The following NOD1 variants were observed in gnomAD, a reference collection of about 807,000 sequenced individuals.
The protein encoded by NOD1 is nucleotide binding oligomerization domain containing 1.
A neutral mutation model predicts 81.2 loss-of-function variants in NOD1; 70 were observed. The observed-to-expected ratio is 0.86, with a 90% CI of 0.71 to 1.05. The LOEUF (loss-of-function observed/expected upper bound fraction) is 1.05. Ranked by LOEUF, NOD1 falls within the 50% of genes least tolerant of loss-of-function variation. The probability of loss-of-function intolerance (pLI) is 0.00; values close to 1 mark genes in which losing one functional copy is unlikely to be tolerated. For missense variants in NOD1, 1,233 were observed against 1,228.0 expected (o/e 1.00, Z -0.06); for synonymous variants, 508 against 526.9 (o/e 0.96, Z 0.49).
At chr7:30,462,739 A>G (rs1425669824) in intron 1 of NOD1, among the ~76,000 whole-genome samples, 3 of 152,090 alleles carry the variant, frequency 2.0e-5, no homozygotes, top group Non-Finnish European at 4.4e-5. Context: ...ACTTGAGGCC[A>G]GGAGTTCGAG....
chr7:30,456,616 C>T, intron 4 of NOD1, 105 bp downstream of exon 4: 1 of 976,326 alleles, frequency 1.0e-6, no homozygotes, highest in African/African-American at 1.6e-5. Flanking sequence ...GCAGCCCTGC[C>T]CGCTGGACTA....
rs919067155 is a variant in NOD1 at position 30,429,322 on chromosome 7, G to A, written c.2789+52C>T. 4.1e-5 allele frequency: 59 copies of A among 1,451,454 alleles called. No individual in the cohort carries two copies. The South Asian group carries it at 6.5e-4, about 16-fold the overall frequency. The allele number at this position is 1,451,454 out of a possible 1,614,324, so 89.9% of individuals were successfully genotyped here. The stretch of plus-strand genomic sequence containing the variant: ...CGTTGTGCCTTGCACAGTCAGTGGT[G>A]GTGAGTAAACAGTCACTGGTGTTAT... On this transcript the variant is annotated intron_variant, in intron 13 of 13. Transcript: ENST00000222823.
chr7:30,446,807 C>G (rs1351454719), intron 8 of NOD1, 160 bp downstream of exon 8: 2 of 613,020 alleles, frequency 3.3e-6, no homozygotes, highest in Non-Finnish European at 5.7e-6. Flanking sequence ...GAATCCAAGC[C>G]TCACAGATCA....
chr7:30,468,590 T>C (rs562849677), intron 1 of NOD1, among the ~76,000 whole-genome samples: 51 of 152,334 alleles, frequency 3.3e-4, no homozygotes, highest in Non-Finnish European at 6.3e-4. Flanking sequence ...AATAGATAAC[T>C]GATATTCATT....
chr7:30,472,676 G>A (rs1788393134), intron 1 of NOD1, among the ~76,000 whole-genome samples: 1 of 152,246 alleles, frequency 6.6e-6, no homozygotes, highest in South Asian at 2.1e-4. Context: ...GAGCCCCAAT[G>A]ATGGGATTAG....
intron 7 of NOD1, 80 bp from the exon 8 acceptor site, chr7:30,447,130 G>T: frequency 6.2e-7 from 1 of 1,607,940 alleles, no homozygotes. Context: ...AGCATATGGT[G>T]TCTACTGATT....
At chr7:30,461,642 C>T (rs760417687) in intron 1 of NOD1, among the ~76,000 whole-genome samples, 1 of 152,262 alleles carries the variant, frequency 6.6e-6, no homozygotes, top group Non-Finnish European at 1.5e-5. Context: ...GACAGTGCCA[C>T]TCCAGGGCAA....
rs1253979352 is a variant in NOD1, at chr7:30,478,407, T to C, written c.-352+199A>G. ...CAGTGGGATAAACGATTCCGCTGAC[T>C]GTGAAGTTCATCCCTCTCAACTTTC... is the stretch of plus-strand genomic sequence containing the variant. On this transcript the variant is annotated intron_variant, in intron 1 of 13. Coordinates refer to ENST00000222823, the MANE Select transcript of NOD1 (RefSeq NM_006092.4). This position sits in a 1 kb window ranked among gnomAD's most constrained non-coding sequence, Gnocchi z 4.1. Among the ~76,000 whole-genome samples the C allele has an allele frequency of 1.3e-5, 2 of 152,194 alleles. No individual in the cohort carries two copies. The highest frequency in any genetic ancestry group is 2.9e-5 in the Non-Finnish European group (2 of 68,034).
chr7:30,472,810 T>C (rs1029444388), intron 1 of NOD1, among the ~76,000 whole-genome samples: 2 of 152,232 alleles, frequency 1.3e-5, no homozygotes, highest in East Asian at 1.9e-4. Context: ...AGATAAATGT[T>C]TGTTGCTTAA....
At chr7:30,469,525 C>T (rs1005666874) in intron 1 of NOD1, among the ~76,000 whole-genome samples, 3 of 152,208 alleles carry the variant, frequency 2.0e-5, no homozygotes, top group Admixed American at 6.5e-5. Context: ...ACACAGCCAA[C>T]GTCAGCATTC....
In NOD1 at chr7:30,446,207, A is replaced by AT. The variant is rs1182168986; in HGVS notation, c.2386dup (p.Ile796AsnfsTer4). 2.5e-5 allele frequency: 41 copies of AT among 1,613,902 alleles called. No individual in the cohort carries two copies. The highest frequency in any genetic ancestry group is 3.3e-5 in the Non-Finnish European group (39 of 1,179,922). On this transcript the variant is annotated frameshift_variant, in exon 9 of 14. Coordinates refer to ENST00000222823, the MANE Select transcript of NOD1 (RefSeq NM_006092.4). LOFTEE classifies it high-confidence loss of function. ...GAGATACTTCCCTCCTTCACTTGTT[A>AT]TTTTGTTTTTTCCCAGTCTGCAGAG... is the stretch of plus-strand genomic sequence containing the variant.
At chr7:30,459,421 G>C (rs1262489263) in intron 2 of NOD1, among the ~76,000 whole-genome samples, 181 bp from the exon 3 acceptor site, 1 of 151,962 alleles carries the variant, frequency 6.6e-6, no homozygotes, top group Non-Finnish European at 1.5e-5. Flanking sequence ...TCACTTTTTT[G>C]TTGTTCTTGC....
In NOD1 at chr7:30,478,416, C is replaced by T. The variant is rs902562509; in HGVS notation, c.-352+190G>A. Among the ~76,000 whole-genome samples the T allele has an allele frequency of 6.6e-6, 1 of 152,202 alleles. No homozygotes were observed. Among genetic ancestry groups the T allele is most frequent in the Non-Finnish European group, 1.5e-5 (1 of 68,036 alleles). On this transcript the variant is annotated intron_variant, in intron 1 of 13. Transcript: ENST00000222823. This position sits in a 1 kb window ranked among gnomAD's most constrained non-coding sequence, Gnocchi z 4.1. ...AAACGATTCCGCTGACTGTGAAGTTCATCCCTCTCAACTTTCGCTACATGC... is the reference window on the plus strand; with the variant it reads ...AAACGATTCCGCTGACTGTGAAGTTTATCCCTCTCAACTTTCGCTACATGC...
At position 30,445,377 on chromosome 7, in the gene NOD1, T is replaced by C. The variant is rs556281165; in HGVS notation, c.2453+764A>G. On this transcript the variant is annotated intron_variant, in intron 9 of 13. Transcript: ENST00000222823. ...AGCATTATTCACAACAGCCAAAGCA[T>C]AGAAGCAAGCCAGTGTCTGTTCTTG... is the stretch of plus-strand genomic sequence containing the variant. Among the ~76,000 whole-genome samples, 522 of 147,658 alleles carry C rather than the reference T, an allele frequency of 3.5e-3. 4 individuals carry two copies. Among genetic ancestry groups the C allele is most frequent in the African/African-American group, 0.012 (488 of 40,208 alleles).
chr7:30,472,171 C>T (rs1288591764), intron 1 of NOD1, among the ~76,000 whole-genome samples: 1 of 152,190 alleles, frequency 6.6e-6, no homozygotes, highest in African/African-American at 2.4e-5. Context: ...AGCTTCCCTC[C>T]GCACTTCAGA....
chr7:30,470,867 C>G (rs1354457122), intron 1 of NOD1, among the ~76,000 whole-genome samples: 1 of 152,186 alleles, frequency 6.6e-6, no homozygotes, highest in African/African-American at 2.4e-5. Context: ...GAACTCCACT[C>G]TGCGAGAGGG....
intron 12 of NOD1, 122 bp downstream of exon 12, chr7:30,432,974 T>C (rs1451282984): frequency 1.4e-6 from 1 of 705,588 alleles, no homozygotes; most frequent in East Asian, 2.7e-5. Flanking sequence ...GTGGTGATGG[T>C]TGCACTAAAA....
chr7:30,477,730 A>G lies in NOD1; in HGVS notation c.-352+876T>C, dbSNP rs1221985537. Among the ~76,000 whole-genome samples, 4 of 147,666 alleles carry G rather than the reference A, an allele frequency of 2.7e-5. No homozygotes were observed. In the East Asian group the frequency reaches 8.0e-4, roughly 29 times the overall value. ...AGAGACGGTTTCACCATGTTGGGCC[A>G]GGCTGGTCTCGAACTCTCGACCTCA... On this transcript the variant is annotated intron_variant, in intron 1 of 13. Coordinates refer to ENST00000222823, the MANE Select transcript of NOD1 (RefSeq NM_006092.4).
At chr7:30,474,943 G>T (rs1162499850) in intron 1 of NOD1, among the ~76,000 whole-genome samples, 1 of 152,166 alleles carries the variant, frequency 6.6e-6, no homozygotes, top group African/African-American at 2.4e-5. Context: ...CCCACTCACT[G>T]AAGGGGCCTG....
Sources: allele counts gnomAD v4.1 joint callset (sites outside exome capture counted in the v4.1 genomes callset), GRCh38; gene constraint gnomAD v4.1.1; non-coding constraint Gnocchi (gnomAD v3.1); transcripts MANE v1.5; gene names NCBI Gene and HGNC (gene_info 2026-07-23, HGNC 2026-07-21).